The following P3H4 variants were observed in gnomAD, a reference collection of about 807,000 sequenced individuals.
The protein encoded by P3H4 is prolyl 3-hydroxylase family member 4 (inactive), also known as endoplasmic reticulum protein SC65.
Under a neutral mutation model 52.9 loss-of-function variants are expected in P3H4, and 47 were observed. The ratio of observed to expected loss-of-function variants is 0.89; its 90% CI spans 0.70 to 1.13. P3H4 has a LOEUF of 1.13. P3H4 is among the 50% of genes most tolerant of loss of function. The pLI is 0.00. For synonymous variants in P3H4, 256 were observed against 267.9 expected (o/e 0.96, Z 0.44); for missense variants, 585 against 611.0 (o/e 0.96, Z 0.45).
chr17:41,811,073 A>G lies in P3H4; in HGVS notation c.616-39T>C, dbSNP rs533129817. On this transcript the variant is annotated intron_variant, in intron 2 of 7. Coordinates refer to ENST00000393928, the MANE Select transcript of P3H4 (RefSeq NM_006455.3). This position sits in a 1 kb window ranked among gnomAD's most constrained non-coding sequence, Gnocchi z 4.8. ...GGCAGGGGGAGTCAGGGCGCCCCCA[A>G]CATCTCCCCTCCTCTACTAGCCCTC... is the stretch of plus-strand genomic sequence containing the variant. 2 of 1,607,956 alleles carry G rather than the reference A, an allele frequency of 1.2e-6. No individual in the cohort carries two copies. Among genetic ancestry groups the G allele is most frequent in the South Asian group, 1.1e-5 (1 of 90,874 alleles).
In P3H4 at chr17:41,803,308, T is replaced by C; in HGVS notation, c.1270A>G (p.Lys424Glu). ...TGACCAGCCTCGGCCTCGTCACCCT[T>C]GGCATCCGGCTCCTGCCACCAGTCA... ...YADWWQEPDA[K>E]GDEAEAEPEP... The change falls in exon 7 of 8, where the codon AAG becomes GAG. Residue 424 changes from lysine to glutamate, a missense_variant. Coordinates refer to ENST00000393928, the MANE Select transcript of P3H4 (RefSeq NM_006455.3). The C allele has an allele frequency of 1.9e-6, 3 of 1,613,842 alleles. No individual in the cohort carries two copies. The highest frequency in any genetic ancestry group is 2.5e-6 in the Non-Finnish European group (3 of 1,179,908).
Position 41,807,943 on chromosome 17 carries a change from G to A in P3H4, c.978C>T (p.Asp326=), listed in dbSNP as rs911773569. 1.2e-6 allele frequency: 2 copies of A among 1,614,064 alleles called. No homozygotes were observed. The highest frequency in any genetic ancestry group is 1.3e-5 in the African/African-American group (1 of 74,934). Residue 326 remains aspartate, a synonymous_variant, in exon 5 of 8, where the codon GAC becomes GAT. Transcript: ENST00000393928. ...AASYMLFDPK[D]SVMQQNLVYY... Reference sequence around the variant, plus strand: ...ACACCAGGTTCTGCTGCATGACGCTGTCCTTGGGGTCGAAGAGCATGTAGC... The same window carrying A: ...ACACCAGGTTCTGCTGCATGACGCTATCCTTGGGGTCGAAGAGCATGTAGC...
At chr17:41,809,364 C>T (rs782172650) in intron 4 of P3H4, among the ~76,000 whole-genome samples, 3 of 152,138 alleles carry the variant, frequency 2.0e-5, no homozygotes, top group Non-Finnish European at 4.4e-5. Flanking sequence ...TGCAGTGAGC[C>T]GAGATCGTGC....
chr17:41,806,929 G>A (rs1555614283), intron 5 of P3H4, 50 bp from the exon 6 acceptor site: 1 of 1,467,328 alleles, frequency 6.8e-7, no homozygotes, highest in Non-Finnish European at 9.5e-7. Flanking sequence ...CCTGTTGCCA[G>A]ATGGCAAGAA....
intron 4 of P3H4, 47 bp from the exon 5 acceptor site, chr17:41,808,051 G>A: frequency 1.3e-6 from 2 of 1,585,266 alleles, no homozygotes; most frequent in Non-Finnish European, 1.7e-6. Flanking sequence ...TTCCCCTTCA[G>A]AGTCAACTCC....
chr17:41,808,000 A>G lies in P3H4; in HGVS notation c.921T>C (p.Asn307=). ...CGCTGCGGGCAGCCTGGCGCACATC[A>G]TTCACTGCAGCAGGACAGGGGTGAG... ...HYLQFAYYKL[N]DVRQAARSAA... is the part of the protein sequence containing the mutation. The change falls in exon 5 of 8, where the codon AAT becomes AAC. Residue 307 remains asparagine (N), a synonymous_variant. Coordinates refer to ENST00000393928, the MANE Select transcript of P3H4 (RefSeq NM_006455.3). 6.2e-7 allele frequency: 1 copy of G among 1,613,216 alleles called. No individual in the cohort carries two copies. The highest frequency in any genetic ancestry group is 8.5e-7 in the Non-Finnish European group (1 of 1,179,568).
In P3H4 at chr17:41,811,346, G is replaced by C; in HGVS notation, c.463-62C>G. 1 of 1,606,684 alleles carries C rather than the reference G, an allele frequency of 6.2e-7. No homozygotes were observed. The highest frequency in any genetic ancestry group is 8.5e-7 in the Non-Finnish European group (1 of 1,175,784). On this transcript the variant is annotated intron_variant, in intron 1 of 7. Transcript: ENST00000393928. The surrounding 1 kb of genome is among the most constrained non-coding windows in gnomAD (Gnocchi z 4.8). ...AAGACCGGAGCTCGCGGCCCCGAGC[G>C]CACGGCGGGCTTCGTGCCTTGGGTG... is the stretch of plus-strand genomic sequence containing the variant.
intron 5 of P3H4, among the ~76,000 whole-genome samples, chr17:41,807,644 T>C (rs2047687109): frequency 6.6e-6 from 1 of 152,040 alleles, no homozygotes; most frequent in East Asian, 1.9e-4. Context: ...ACTACAGGCG[T>C]CCACCACCAT....
Position 41,803,275 on chromosome 17 carries a change from C to T in P3H4, c.1291+12G>A, listed in dbSNP as rs1293404894. 1.2e-5 allele frequency: 20 copies of T among 1,610,946 alleles called. No homozygotes were observed. Among genetic ancestry groups the T allele is most frequent in the Admixed American group, 1.7e-5 (1 of 59,746 alleles). ...GCTGCATCCCCACCCCCCAAGGACT[C>T]GTGTCACTGACCAGCCTCGGCCTCG... On this transcript the variant is annotated intron_variant, in intron 7 of 7. Coordinates refer to ENST00000393928, the MANE Select transcript of P3H4 (RefSeq NM_006455.3).
At position 41,805,267 on chromosome 17, in the gene P3H4, C is replaced by T. The variant is rs534595889; in HGVS notation, c.1146+1529G>A. Among the ~76,000 whole-genome samples, 176 of 107,008 alleles carry T rather than the reference C, an allele frequency of 1.6e-3. 2 individuals are homozygous for T. In the East Asian group the frequency reaches 0.017, roughly 10 times the overall value. The allele number at this position is 107,008 out of a possible 152,430, so 70.2% of individuals were successfully genotyped here. Reference sequence around the variant, plus strand: ...TCACGCCACTGCACTCCAGCATGGGCGACAGAGCGAGACTCTGTCTCAAAA... The same window carrying T: ...TCACGCCACTGCACTCCAGCATGGGTGACAGAGCGAGACTCTGTCTCAAAA... On this transcript the variant is annotated intron_variant, in intron 6 of 7. Coordinates refer to ENST00000393928, the MANE Select transcript of P3H4 (RefSeq NM_006455.3).
At chr17:41,805,400 C>T (rs575214506) in intron 6 of P3H4, among the ~76,000 whole-genome samples, 1 of 151,996 alleles carries the variant, frequency 6.6e-6, no homozygotes, top group East Asian at 2.0e-4. Context: ...GATCTCGGCT[C>T]ACTGCAACCT....
chr17:41,802,277 G>GTTT lies in P3H4; in HGVS notation c.*677_*679dup, dbSNP rs35539556. 78 of 134,798 alleles carry GTTT rather than the reference G, an allele frequency of 5.8e-4. 2 individuals are homozygous for GTTT. Among genetic ancestry groups the GTTT allele is most frequent in the Admixed American group, 9.1e-4 (12 of 13,170 alleles). 8.4% of individuals were successfully genotyped at this position (134,798 alleles called of 1,614,324 possible). On this transcript the variant is annotated 3_prime_UTR_variant, in exon 8 of 8. Transcript: ENST00000393928. ...GTCCAGTCAGCTGTGTCCATCTTAA[G>GTTT]TTTTTTTTTTTTTTTTTGAGATGGA... is the stretch of plus-strand genomic sequence containing the variant.
At position 41,802,035 on chromosome 17, in the gene P3H4, C is replaced by T. The variant is rs1004994006; in HGVS notation, c.*922G>A. Reference sequence around the variant, plus strand: ...ACTCTTAGTCCAGTGCTCTTCAGGACCCTGGAGGACCCTCTGCAATTTGGC... The same window carrying T: ...ACTCTTAGTCCAGTGCTCTTCAGGATCCTGGAGGACCCTCTGCAATTTGGC... On this transcript the variant is annotated 3_prime_UTR_variant, in exon 8 of 8. Coordinates refer to ENST00000393928, the MANE Select transcript of P3H4 (RefSeq NM_006455.3). The T allele has an allele frequency of 6.6e-6, 1 of 152,440 alleles. No individual in the cohort carries two copies. Among genetic ancestry groups the T allele is most frequent in the African/African-American group, 2.4e-5 (1 of 41,442 alleles). The allele number at this position is 152,440 out of a possible 1,614,324, so 9.4% of individuals were successfully genotyped here. A position where few individuals can be genotyped will look rare whatever the true frequency, so the allele number is the denominator to read the frequency against.
intron 4 of P3H4, among the ~76,000 whole-genome samples, chr17:41,808,879 T>A (rs2047701067): frequency 6.6e-6 from 1 of 152,172 alleles, no homozygotes; most frequent in Admixed American, 6.5e-5. Flanking sequence ...CTGCTCTGAC[T>A]CCTGGCTCTG....
At chr17:41,810,838 C>T (rs1555614878) in intron 3 of P3H4, 25 bp downstream of exon 3, 1 of 1,599,184 alleles carries the variant, frequency 6.3e-7, no homozygotes, top group Non-Finnish European at 8.5e-7. Context: ...AGAGGACCGC[C>T]CACCGTGGTC....
At chr17:41,809,381 AC>A (rs2047705697) in intron 4 of P3H4, among the ~76,000 whole-genome samples, 1 of 152,146 alleles carries the variant, frequency 6.6e-6, no homozygotes, top group Non-Finnish European at 1.5e-5. Context: ...GTGCCCCTGC[AC>A]TCTAGCCTGG....
chr17:41,807,521 G>A (rs949159427), intron 5 of P3H4: 9 of 159,982 alleles, frequency 5.6e-5, no homozygotes, highest in Admixed American at 2.6e-4. Flanking sequence ...CTTTTGAGAC[G>A]GAGTCTCGCT....
rs188940825 is a variant in P3H4, at chr17:41,804,708, G to A, written c.1147-1277C>T. Among the ~76,000 whole-genome samples the A allele has an allele frequency of 4.3e-3, 658 of 151,532 alleles. 5 individuals are homozygous for A. The highest frequency in any genetic ancestry group is 0.015 in the African/African-American group (627 of 41,248). ...ATCTCAGCCAGGAGCGGTGGCTCAC[G>A]CCTGTAAACCTAGCACTTTGGGAGG... On this transcript the variant is annotated intron_variant, in intron 6 of 7. Coordinates refer to ENST00000393928, the MANE Select transcript of P3H4 (RefSeq NM_006455.3).
intron 7 of P3H4, 24 bp from the exon 8 acceptor site, chr17:41,803,003 T>G: frequency 6.2e-7 from 1 of 1,609,230 alleles, no homozygotes; most frequent in South Asian, 1.1e-5. Flanking sequence ...GAGAAAGCAC[T>G]GGGGTTGCTC....
Sources: gnomAD v4.1 joint callset for allele counts (sites outside exome capture counted in the v4.1 genomes callset) on GRCh38, gnomAD v4.1.1 for gene constraint, Gnocchi (gnomAD v3.1) non-coding constraint, MANE v1.5 for transcripts, NCBI Gene and HGNC (gene_info 2026-07-23, HGNC 2026-07-21) for gene names.